RANBP2: variants seen among roughly 807,000 people sequenced by gnomAD.
The protein encoded by RANBP2 is E3 SUMO-protein ligase RanBP2.
In RANBP2, 57 loss-of-function variants were observed where a neutral mutation model predicts 303.6. The ratio of observed to expected loss-of-function variants is 0.19; its 90% CI spans 0.15 to 0.23. RANBP2 has a LOEUF of 0.23. Among genes scored for constraint, RANBP2 ranks in the 10% least tolerant of loss-of-function variants. The pLI is 1.00. For missense variants in RANBP2, 3,138 were observed against 3,780.8 expected, an observed-to-expected ratio of 0.83 and a Z score of 4.46; for synonymous variants, 1,167 against 1,301.5, an observed-to-expected ratio of 0.90 and a Z score of 2.23.
intron 17 of RANBP2, among the ~76,000 whole-genome samples, chr2:108,758,020 G>A (rs1676445686): frequency 6.6e-6 from 1 of 152,108 alleles, no homozygotes. Context: ...AATCAGGTCC[G>A]GGCGTGGTGG....
chr2:108,869,561 G>A, the RANBP2 span, among the ~76,000 whole-genome samples: 1 of 152,150 alleles, frequency 6.6e-6, no homozygotes, highest in African/African-American at 2.4e-5. Flanking sequence ...GGAGACTACA[G>A]ACCTGTGGAT....
intron 7 of RANBP2, among the ~76,000 whole-genome samples, chr2:108,742,525 C>T (rs560335293): frequency 2.0e-5 from 3 of 151,642 alleles, no homozygotes; most frequent in Non-Finnish European, 4.4e-5. Context: ...AGGATGGTCT[C>T]GATCTTCTGA....
chr2:108,791,318 C>CT, the RANBP2 span, among the ~76,000 whole-genome samples: 49 of 152,196 alleles, frequency 3.2e-4, no homozygotes, highest in South Asian at 9.7e-3. Flanking sequence ...AGTTATTTGA[C>CT]TTACTTAGGT....
the RANBP2 span, among the ~76,000 whole-genome samples, chr2:109,687,180 T>C: frequency 1.3e-5 from 2 of 152,248 alleles, no homozygotes; most frequent in Non-Finnish European, 2.9e-5. Context: ...TCTGGGTCTG[T>C]GTGCCTTGCC....
the RANBP2 span, among the ~76,000 whole-genome samples, chr2:109,361,911 A>G: frequency 1.3e-5 from 2 of 152,186 alleles, no homozygotes; most frequent in African/African-American, 4.8e-5. Context: ...CATGGGACAT[A>G]CAGGGATGCC....
chr2:109,240,344 C>G, the RANBP2 span, among the ~76,000 whole-genome samples: 2 of 152,064 alleles, frequency 1.3e-5, no homozygotes, highest in Admixed American at 6.6e-5. Flanking sequence ...AAAAATTAGT[C>G]AGGTGTGGTG....
chr2:109,504,939 C>G, the RANBP2 span, among the ~76,000 whole-genome samples: 1 of 152,208 alleles, frequency 6.6e-6, no homozygotes, highest in Admixed American at 6.5e-5. Context: ...CTCCAGTTCC[C>G]CTCTAGGGGC....
the RANBP2 span, among the ~76,000 whole-genome samples, chr2:109,114,029 C>T: frequency 6.6e-6 from 1 of 152,270 alleles, no homozygotes; most frequent in Middle Eastern, 3.4e-3. Context: ...CTGCTGGGTT[C>T]GGTTTGCCAG....
the RANBP2 span, among the ~76,000 whole-genome samples, chr2:109,555,673 C>T: frequency 6.6e-6 from 1 of 152,188 alleles, no homozygotes; most frequent in Non-Finnish European, 1.5e-5. Flanking sequence ...ACATCTGAAG[C>T]CTGTTAGCAA....
the RANBP2 span, among the ~76,000 whole-genome samples, chr2:109,001,631 G>T: frequency 4.0e-4 from 61 of 152,362 alleles, no homozygotes; most frequent in African/African-American, 1.4e-3. Context: ...CTCCCTTTTG[G>T]AAAGGAGACA....
the RANBP2 span, chr2:109,542,976 A>C: frequency 6.5e-6 from 1 of 152,676 alleles, no homozygotes; most frequent in African/African-American, 2.4e-5. Context: ...AGGAAAATTA[A>C]ACACATTTTA....
the RANBP2 span, chr2:109,615,271 C>T: frequency 1.3e-6 from 2 of 1,578,332 alleles, no homozygotes; most frequent in Non-Finnish European, 8.6e-7. Context: ...GGCGGAGGCT[C>T]CGTGACGCTG....
At chr2:109,377,856 T>G in the RANBP2 span, among the ~76,000 whole-genome samples, 2 of 152,198 alleles carry the variant, frequency 1.3e-5, no homozygotes, top group Admixed American at 6.5e-5. Context: ...GGCTATTATT[T>G]TGAACCTCTG....
At chr2:109,712,480 G>T in the RANBP2 span, among the ~76,000 whole-genome samples, 4 of 152,140 alleles carry the variant, frequency 2.6e-5, no homozygotes, top group African/African-American at 9.7e-5. Flanking sequence ...CACCCAGGCT[G>T]GAGTACAATA....
chr2:108,970,793 G>A, the RANBP2 span, among the ~76,000 whole-genome samples: 2 of 152,122 alleles, frequency 1.3e-5, no homozygotes, highest in African/African-American at 2.4e-5. Context: ...AGATAAGTTC[G>A]GAAAATACAC....
the RANBP2 span, among the ~76,000 whole-genome samples, chr2:109,682,546 T>A: frequency 1.4e-4 from 21 of 152,226 alleles, no homozygotes; most frequent in East Asian, 1.9e-4. Context: ...CAGCAGATGG[T>A]AGAAGACACT....
At chr2:109,448,170 C>G in the RANBP2 span, among the ~76,000 whole-genome samples, 2 of 152,214 alleles carry the variant, frequency 1.3e-5, no homozygotes, top group Non-Finnish European at 2.9e-5. Flanking sequence ...GGCTTGCATG[C>G]AGTGGTGCTT....
At chr2:109,314,311 A>C in the RANBP2 span, among the ~76,000 whole-genome samples, 1 of 152,214 alleles carries the variant, frequency 6.6e-6, no homozygotes, top group African/African-American at 2.4e-5. Flanking sequence ...GGTTAAACTG[A>C]TAAATCCTCA....
chr2:108,964,670 G>A, the RANBP2 span, among the ~76,000 whole-genome samples: 1 of 152,200 alleles, frequency 6.6e-6, no homozygotes, highest in African/African-American at 2.4e-5. Context: ...GAAAGAAGAA[G>A]TGCTGAAGGC....
Sources: allele counts gnomAD v4.1 joint callset (sites outside exome capture counted in the v4.1 genomes callset), GRCh38; gene constraint gnomAD v4.1.1; transcripts MANE v1.5; gene names NCBI Gene and HGNC (gene_info 2026-07-23, HGNC 2026-07-21).